Variants in ATP10A observed in about 807,000 individuals in gnomAD.
The protein encoded by ATP10A is ATPase phospholipid transporting 10A (putative), also known as phospholipid-transporting ATPase VA.
A neutral mutation model predicts 147.8 loss-of-function variants in ATP10A; 111 were observed. That is an observed-to-expected ratio of 0.75 (90% CI 0.64 to 0.88). The LOEUF is 0.88. ATP10A is among the 40% of genes least tolerant of loss of function. The pLI, the probability that ATP10A is intolerant of heterozygous loss-of-function variation, is 0.00. For synonymous variants in ATP10A, 875 were observed against 841.6 expected (o/e 1.04, Z -0.69); for missense variants, 1,927 against 1,959.0 (o/e 0.98, Z 0.31).
At chr15:25,809,190 A>T (rs1419115523) in intron 1 of ATP10A, among the ~76,000 whole-genome samples, 1 of 152,076 alleles carries the variant, frequency 6.6e-6, no homozygotes, top group African/African-American at 2.4e-5. Flanking sequence ...GATGGGATGA[A>T]GCCACCACCA....
At chr15:25,800,320 T>G (rs571758595) in intron 1 of ATP10A, among the ~76,000 whole-genome samples, 25 of 152,262 alleles carry the variant, frequency 1.6e-4, no homozygotes, top group African/African-American at 6.0e-4. Context: ...CCGCTTCCCT[T>G]GCTCTCCTTG....
At chr15:25,692,820 G>A (rs1042967421) in intron 14 of ATP10A, among the ~76,000 whole-genome samples, 1 of 152,136 alleles carries the variant, frequency 6.6e-6, no homozygotes, top group South Asian at 2.1e-4. Context: ...TTTTGAGACA[G>A]GGTCTCACTC....
At chr15:25,819,695 A>G (rs1891801607) in intron 1 of ATP10A, among the ~76,000 whole-genome samples, 3 of 152,206 alleles carry the variant, frequency 2.0e-5, no homozygotes, top group Admixed American at 6.5e-5. Context: ...ATCAAAGGAT[A>G]ACTGGATAAA....
chr15:25,691,238 G>A (rs931985071), intron 15 of ATP10A, among the ~76,000 whole-genome samples: 8 of 152,178 alleles, frequency 5.3e-5, no homozygotes, highest in African/African-American at 1.7e-4. Flanking sequence ...CTCCCAGACC[G>A]AGAGTGAACA....
chr15:25,718,084 A>G (rs1901933079), intron 8 of ATP10A, 98 bp downstream of exon 8: 1 of 1,288,640 alleles, frequency 7.8e-7, no homozygotes, highest in Non-Finnish European at 1.1e-6. Flanking sequence ...GCGACAGTGT[A>G]TTTGTAGGAT....
chr15:25,700,629 C>G (rs1209826801), intron 13 of ATP10A, among the ~76,000 whole-genome samples: 1 of 152,128 alleles, frequency 6.6e-6, no homozygotes, highest in Non-Finnish European at 1.5e-5. Flanking sequence ...AAAGACAAAA[C>G]TGTAGTTCTG....
intron 1 of ATP10A, among the ~76,000 whole-genome samples, chr15:25,852,843 AC>A (rs1567433495): frequency 2.0e-5 from 3 of 152,098 alleles, no homozygotes; most frequent in Admixed American, 1.3e-4. Context: ...AGGGTATATA[AC>A]CCTGCGTACT....
At chr15:25,716,321 C>A (rs1027023311) in intron 9 of ATP10A, among the ~76,000 whole-genome samples, 3 of 150,908 alleles carry the variant, frequency 2.0e-5, no homozygotes, top group Non-Finnish European at 4.4e-5. Context: ...CCCTGAGGCT[C>A]GGGGAGGTTG....
intron 1 of ATP10A, among the ~76,000 whole-genome samples, chr15:25,822,029 A>T (rs1271928046): frequency 2.0e-5 from 3 of 152,186 alleles, no homozygotes; most frequent in Non-Finnish European, 4.4e-5. Flanking sequence ...AAAATGGCAT[A>T]GTGTTTGCAT....
At chr15:25,681,600 C>T (rs1199537262) in intron 17 of ATP10A, among the ~76,000 whole-genome samples, 1 of 152,122 alleles carries the variant, frequency 6.6e-6, no homozygotes, top group African/African-American at 2.4e-5. Context: ...AGGCAAGCAC[C>T]CAAGGAAAAC....
intron 1 of ATP10A, among the ~76,000 whole-genome samples, chr15:25,796,790 A>G (rs1399958647): frequency 6.6e-6 from 1 of 152,248 alleles, no homozygotes; most frequent in African/African-American, 2.4e-5. Context: ...GAAGGTGGTG[A>G]CAGCCGTAAT....
chr15:25,689,851 C>T (rs1039804046), intron 15 of ATP10A, among the ~76,000 whole-genome samples: 4 of 152,318 alleles, frequency 2.6e-5, no homozygotes, highest in African/African-American at 7.2e-5. Context: ...ATGGCAGCTC[C>T]GGCCCCTCCC....
At chr15:25,835,445 C>T (rs528807126) in intron 1 of ATP10A, among the ~76,000 whole-genome samples, 1 of 152,116 alleles carries the variant, frequency 6.6e-6, no homozygotes, top group Non-Finnish European at 1.5e-5. Context: ...CAGCAGCCCA[C>T]GGAAGCAGCT....
rs374841930 is a variant in ATP10A, at chr15:25,822,309, C to T, written c.449+40339G>A. Among the ~76,000 whole-genome samples the T allele has an allele frequency of 1.5e-4, 23 of 152,160 alleles. No individual in the cohort carries two copies. The East Asian group carries it at 1.9e-3, about 13-fold the overall frequency. ...ATATGTTGTAGGATGCCAAGTTGTT[C>T]GGTAGTACTTCTGAAAACACAAATA... On this transcript the variant is annotated intron_variant, in intron 1 of 20. Coordinates refer to ENST00000555815, the MANE Select transcript of ATP10A (RefSeq NM_024490.4).
intron 3 of ATP10A, 79 bp from the exon 4 acceptor site, chr15:25,727,345 G>A (rs1360373100): frequency 8.0e-7 from 1 of 1,249,006 alleles, no homozygotes; most frequent in African/African-American, 1.5e-5. Context: ...CTTGAGGAAG[G>A]AAGGCCCTGA....
In ATP10A at chr15:25,829,464, T is replaced by A. The variant is rs191217896; in HGVS notation, c.449+33184A>T. 2.1e-3 allele frequency among the ~76,000 whole-genome samples: 321 copies of A among 152,070 alleles called. 2 individuals carry two copies. Among genetic ancestry groups the A allele is most frequent in the African/African-American group, 7.1e-3 (295 of 41,486 alleles). ...GATGTTATTTGTTCTTTCAAAAAAA[T>A]TTTTTTTTCTTGAGCAGGAACCAAG... On this transcript the variant is annotated intron_variant, in intron 1 of 20. Transcript: ENST00000555815.
chr15:25,754,400 T>C (rs1037871668), intron 2 of ATP10A, among the ~76,000 whole-genome samples: 1 of 152,208 alleles, frequency 6.6e-6, no homozygotes, highest in African/African-American at 2.4e-5. Context: ...TCAAAAGTTC[T>C]GGGATTACAG....
chr15:25,792,444 C>T (rs74003897), intron 1 of ATP10A, among the ~76,000 whole-genome samples: 20,488 of 152,194 alleles, frequency 0.13, 1,545 homozygotes, highest in Non-Finnish European at 0.18. Flanking sequence ...AGGGCTTAGG[C>T]GGGATGCCCC....
At chr15:25,807,161 T>A (rs574726664) in intron 1 of ATP10A, among the ~76,000 whole-genome samples, 1 of 152,362 alleles carries the variant, frequency 6.6e-6, no homozygotes, top group African/African-American at 2.4e-5. Context: ...TCTCCCCTGG[T>A]GGCATCCTTA....
Sources: allele counts gnomAD v4.1 joint callset (sites outside exome capture counted in the v4.1 genomes callset), GRCh38; gene constraint gnomAD v4.1.1; transcripts MANE v1.5; gene names NCBI Gene and HGNC (gene_info 2026-07-23, HGNC 2026-07-21).